ASPSCR1: variants seen among roughly 807,000 people sequenced by gnomAD.
ASPSCR1 encodes the protein ASPSCR1 tether for SLC2A4, UBX domain containing.
ASPSCR1 carries 55 observed loss-of-function variants against 68.9 expected under a neutral mutation model. The observed-to-expected ratio is 0.80, with a 90% CI of 0.64 to 1.00. The LOEUF (loss-of-function observed/expected upper bound fraction) is 1.00. Ranked by LOEUF, ASPSCR1 falls within the 50% of genes least tolerant of loss-of-function variation. The probability of loss-of-function intolerance (pLI) is 0.00; values close to 1 mark genes in which losing one functional copy is unlikely to be tolerated. For missense variants in ASPSCR1, 765 were observed against 762.2 expected, an observed-to-expected ratio of 1.00 and a Z score of -0.04; for synonymous variants, 352 against 332.6, an observed-to-expected ratio of 1.06 and a Z score of -0.63.
In ASPSCR1 at chr17:81,989,080, G is replaced by A. The variant is rs559198851; in HGVS notation, c.374+3473G>A. Among the ~76,000 whole-genome samples, 108 of 152,056 alleles carry A rather than the reference G, an allele frequency of 7.1e-4. No homozygotes were observed. In the Middle Eastern group the frequency reaches 0.014, roughly 19 times the overall value. On this transcript the variant is annotated intron_variant, in intron 4 of 15. Coordinates refer to ENST00000306739, the MANE Select transcript of ASPSCR1 (RefSeq NM_024083.4). ...AAAAGCAGCTGGGTGTGGTGGTGAG[G>A]GCCTGTAATCCCAGCTACTTGGGAG...
chr17:81,999,810 C>T lies in ASPSCR1; in HGVS notation c.933+2964C>T, dbSNP rs1038247392. ...AACCTCATGCCTCCCTCTTGCCTCC[C>T]GGCCACACACCTGGGAGGGCAGAGG... On this transcript the variant is annotated intron_variant, in intron 7 of 15. Transcript: ENST00000306739. This position sits in a 1 kb window ranked among gnomAD's most constrained non-coding sequence, Gnocchi z 4.4. Among the ~76,000 whole-genome samples, 2 of 152,112 alleles carry T rather than the reference C, an allele frequency of 1.3e-5. No homozygotes were observed. Among genetic ancestry groups the T allele is most frequent in the Non-Finnish European group, 2.9e-5 (2 of 68,010 alleles).
intron 1 of ASPSCR1, 138 bp from the exon 2 acceptor site, chr17:81,979,046 G>T: frequency 1.2e-6 from 1 of 809,722 alleles, no homozygotes. Flanking sequence ...ACCGTCCATA[G>T]TGTGGTCTTG....
chr17:81,996,675 C>T lies in ASPSCR1; in HGVS notation c.762C>T (p.Gly254=), dbSNP rs998068069. 2.5e-6 allele frequency: 4 copies of T among 1,612,566 alleles called. No homozygotes were observed. In the Admixed American group the frequency reaches 5.0e-5, roughly 20 times the overall value. The change falls in exon 7 of 16, where the codon GGC becomes GGT. Residue 254 remains glycine (G), a synonymous_variant. Coordinates refer to ENST00000306739, the MANE Select transcript of ASPSCR1 (RefSeq NM_024083.4). ...CGGGTGGGGGACAGAGACTGGGGGG[C>T]CCTCCTGGGCCCACGAGGCCTCTGA... The part of the protein sequence containing the change: ...PFSGGGQRLG[G]PPGPTRPLTS...
Position 81,994,189 on chromosome 17 carries a change from A to C in ASPSCR1, c.375-632A>C, listed in dbSNP as rs541536232. On this transcript the variant is annotated intron_variant, in intron 4 of 15. Transcript: ENST00000306739. ...GCTGCATATACCTGCCCACCCATGC[A>C]CGGGTCCAGCTGTGCCTCCTGCGGG... Among the ~76,000 whole-genome samples the C allele has an allele frequency of 6.6e-5, 10 of 152,310 alleles. No individual in the cohort carries two copies. The South Asian group carries it at 2.1e-3, about 32-fold the overall frequency.
intron 7 of ASPSCR1, among the ~76,000 whole-genome samples, chr17:82,003,478 C>T (rs1186990150): frequency 2.0e-5 from 3 of 152,204 alleles, no homozygotes; most frequent in Non-Finnish European, 4.4e-5. Flanking sequence ...TTGGGCCTTC[C>T]TTGTTGGCCT....
At chr17:82,013,539 C>T (rs2043023114) in intron 12 of ASPSCR1, 1 of 152,218 alleles carries the variant, frequency 6.6e-6, no homozygotes, top group African/African-American at 2.4e-5. Flanking sequence ...AAGCCTGCCT[C>T]CCTGGCAGGC....
At chr17:82,007,571 C>T (rs771732182) in intron 7 of ASPSCR1, 4 of 152,282 alleles carry the variant, frequency 2.6e-5, no homozygotes, top group Non-Finnish European at 4.4e-5. Flanking sequence ...CACGGCATGT[C>T]CTGGGGCCCC....
intron 4 of ASPSCR1, among the ~76,000 whole-genome samples, chr17:81,989,352 TG>T (rs982276239): frequency 6.6e-5 from 10 of 152,270 alleles, no homozygotes; most frequent in African/African-American, 2.4e-4. Context: ...GAGTGCCTGG[TG>T]GGCTCTCTGC....
In ASPSCR1 at chr17:81,977,679, G is replaced by C. The variant is rs779283181; in HGVS notation, c.33G>C (p.Ala11=). 1.6e-5 allele frequency: 23 copies of C among 1,398,712 alleles called. 1 individual carries two copies. The African/African-American group carries it at 2.7e-4, about 16-fold the overall frequency. The allele number at this position is 1,398,712 out of a possible 1,614,324, so 86.6% of individuals were successfully genotyped here. A position where few individuals can be genotyped will look rare whatever the true frequency, so the allele number is the denominator to read the frequency against. ...CCCCGGCAGGCGGCGGAGGCTCCGC[G>C]GTGTCGGTGCTGGCCCCGAACGGCC... MAAPAGGGGS[A]VSVLAPNGRR... is the part of the protein sequence containing the mutation. The change falls in exon 1 of 16, where the codon GCG becomes GCC. Residue 11 remains alanine (A), a synonymous_variant. Transcript: ENST00000306739. The surrounding 1 kb of genome is among the most constrained non-coding windows in gnomAD (Gnocchi z 5.0).
At position 81,983,491 on chromosome 17, in the gene ASPSCR1, G is replaced by C; in HGVS notation, c.159-63G>C. 1 of 1,351,590 alleles carries C rather than the reference G, an allele frequency of 7.4e-7. No individual in the cohort carries two copies. Among genetic ancestry groups the C allele is most frequent in the Non-Finnish European group, 1.0e-6 (1 of 964,566 alleles). 83.7% of individuals were successfully genotyped at this position (1,351,590 alleles called of 1,614,324 possible). ...TGGATGGTGGGACGGGGATGGCGGG[G>C]CGTGGATGGCAGGGCGTGTCAGGCT... On this transcript the variant is annotated intron_variant, in intron 2 of 15. Transcript: ENST00000306739. This position sits in a 1 kb window ranked among gnomAD's most constrained non-coding sequence, Gnocchi z 4.4.
chr17:82,017,402 C>G lies in ASPSCR1; in HGVS notation c.*80C>G. Reference sequence around the variant, plus strand: ...AGCAGGAATAAAGACTTGTGCATCCCTCAACGCCTTCCTGTCATGCTTCCT... The same window carrying G: ...AGCAGGAATAAAGACTTGTGCATCCGTCAACGCCTTCCTGTCATGCTTCCT... On this transcript the variant is annotated 3_prime_UTR_variant, in exon 16 of 16. Transcript: ENST00000306739. 6.3e-7 allele frequency: 1 copy of G among 1,593,486 alleles called. No individual in the cohort carries two copies. The highest frequency in any genetic ancestry group is 1.3e-5 in the African/African-American group (1 of 74,692).
rs1177640925 is a variant in ASPSCR1 at position 82,016,956 on chromosome 17, C to T, written c.1491C>T (p.Ala497=). 32 of 1,611,522 alleles carry T rather than the reference C, an allele frequency of 2.0e-5. No homozygotes were observed. Among genetic ancestry groups the T allele is most frequent in the Non-Finnish European group, 2.5e-5 (29 of 1,179,168 alleles). Reference sequence around the variant, plus strand: ...CTCCCCACAGGTACATGTCCAGGGCCGCCGGGTCCCCTTCCCCATTGCCAG... The same window carrying T: ...CTCCCCACAGGTACATGTCCAGGGCTGCCGGGTCCCCTTCCCCATTGCCAG... The part of the protein sequence containing the change: ...DVLVARYMSR[A]AGSPSPLPAP... The change falls in exon 15 of 16, where the codon GCC becomes GCT. Residue 497 remains alanine (A), a synonymous_variant. Coordinates refer to ENST00000306739, the MANE Select transcript of ASPSCR1 (RefSeq NM_024083.4).
chr17:82,011,800 C>T (rs1387057539), intron 11 of ASPSCR1, among the ~76,000 whole-genome samples, 195 bp downstream of exon 11: 1 of 152,110 alleles, frequency 6.6e-6, no homozygotes, highest in Non-Finnish European at 1.5e-5. Flanking sequence ...CCGAGCCAGG[C>T]GGTGGGAGCC....
At chr17:82,009,725 G>A (rs998617988) in intron 9 of ASPSCR1, among the ~76,000 whole-genome samples, 158 bp downstream of exon 9, 15 of 148,832 alleles carry the variant, frequency 1.0e-4, no homozygotes, top group Admixed American at 2.0e-4. Context: ...AGCTCTGAGC[G>A]GGCCCCCTGT....
chr17:82,002,828 G>A (rs1207360437), intron 7 of ASPSCR1, among the ~76,000 whole-genome samples: 1 of 152,072 alleles, frequency 6.6e-6, no homozygotes, highest in Non-Finnish European at 1.5e-5. Context: ...AAATTGTTAG[G>A]ATTACAGGCG....
chr17:81,998,140 T>A (rs2042416102), intron 7 of ASPSCR1, among the ~76,000 whole-genome samples: 1 of 152,172 alleles, frequency 6.6e-6, no homozygotes, highest in South Asian at 2.1e-4. Context: ...TTTATTTTTA[T>A]TTTTATTTTT....
At position 81,999,215 on chromosome 17, in the gene ASPSCR1, G is replaced by T. The variant is rs558832547; in HGVS notation, c.933+2369G>T. On this transcript the variant is annotated intron_variant, in intron 7 of 15. Transcript: ENST00000306739. The surrounding 1 kb of genome is among the most constrained non-coding windows in gnomAD (Gnocchi z 4.4). Reference sequence around the variant, plus strand: ...TTCCCAGCCCCTGTGTCCCCTGAGGGCCAGGCTGCCAGCTGCCAGCCACAG... The same window carrying T: ...TTCCCAGCCCCTGTGTCCCCTGAGGTCCAGGCTGCCAGCTGCCAGCCACAG... Among the ~76,000 whole-genome samples the T allele has an allele frequency of 4.9e-4, 75 of 152,366 alleles. No homozygotes were observed. Among genetic ancestry groups the T allele is most frequent in the African/African-American group, 1.6e-3 (65 of 41,588 alleles).
chr17:81,983,537 TCTGGTCTGTCTTG>T lies in ASPSCR1; in HGVS notation c.159-15_159-3del. 1 of 1,590,984 alleles carries T rather than the reference TCTGGTCTGTCTTG, an allele frequency of 6.3e-7. No individual in the cohort carries two copies. Among genetic ancestry groups the T allele is most frequent in the Non-Finnish European group, 8.6e-7 (1 of 1,162,770 alleles). On this transcript the variant is annotated splice_polypyrimidine_tract_variant and splice_region_variant and intron_variant, in intron 2 of 15. Transcript: ENST00000306739. This position sits in a 1 kb window ranked among gnomAD's most constrained non-coding sequence, Gnocchi z 4.4. ...AGGCTCTGCAGGGCAGCAAGTGTGCTCTGGTCTGTCTTGCAGGTTTCAGAGGAGCGTGCTCGAC... is the reference window on the plus strand; with the variant it reads ...AGGCTCTGCAGGGCAGCAAGTGTGCTCAGGTTTCAGAGGAGCGTGCTCGAC...
At chr17:81,997,261 C>T (rs1216068724) in intron 7 of ASPSCR1, among the ~76,000 whole-genome samples, 1 of 152,062 alleles carries the variant, frequency 6.6e-6, no homozygotes, top group African/African-American at 2.4e-5. Flanking sequence ...AGGGCATGGC[C>T]GTGGTCACAT....
Sources: gnomAD v4.1 joint callset for allele counts (sites outside exome capture counted in the v4.1 genomes callset) on GRCh38, gnomAD v4.1.1 for gene constraint, Gnocchi (gnomAD v3.1) non-coding constraint, MANE v1.5 for transcripts, NCBI Gene and HGNC (gene_info 2026-07-23, HGNC 2026-07-21) for gene names.